The following ELAPOR2 variants were observed in gnomAD, a reference collection of about 807,000 sequenced individuals.
The protein encoded by ELAPOR2 is endosome/lysosome-associated apoptosis and autophagy regulator family member 2.
Under a neutral mutation model 120.7 loss-of-function variants are expected in ELAPOR2, and 89 were observed. The ratio of observed to expected loss-of-function variants is 0.74; its 90% CI spans 0.62 to 0.88. The LOEUF is 0.88. Ranked by LOEUF, ELAPOR2 falls within the 40% of genes least tolerant of loss-of-function variation. The pLI, the probability that ELAPOR2 is intolerant of heterozygous loss-of-function variation, is 0.00. For synonymous variants in ELAPOR2, 444 were observed against 444.9 expected (o/e 1.00, Z 0.03); for missense variants, 1,134 against 1,251.6 (o/e 0.91, Z 1.42).
chr7:86,990,553 A>G (rs1792911091), intron 1 of ELAPOR2, among the ~76,000 whole-genome samples: 4 of 152,170 alleles, frequency 2.6e-5, no homozygotes, highest in African/African-American at 9.7e-5. Flanking sequence ...TTTTGTTATA[A>G]GCAACAGAAA....
Position 86,918,445 on chromosome 7 carries a change from C to A in ELAPOR2, c.1590G>T (p.Met530Ile). The A allele has an allele frequency of 6.2e-7, 1 of 1,607,146 alleles. No homozygotes were observed. Among genetic ancestry groups the A allele is most frequent in the Non-Finnish European group, 8.5e-7 (1 of 1,174,448 alleles). The change falls in exon 12 of 22, where the codon ATG becomes ATT. Residue 530 changes from methionine to isoleucine, a missense_variant. Met to Ile is a conservative substitution (Grantham distance 10). Transcript: ENST00000450689. ...LCSADCVLYF[M>I]VDINRKSTNV... ...TGAAAGCCGCCCGTCCACTTACCAC[C>A]ATGAAGTACAAAACACAGTCAGCTG...
chr7:87,035,293 A>G (rs1794552199), intron 1 of ELAPOR2, among the ~76,000 whole-genome samples: 1 of 152,142 alleles, frequency 6.6e-6, no homozygotes, highest in Non-Finnish European at 1.5e-5. Context: ...AATCCATCCA[A>G]AGAAGCAGCT....
At chr7:87,024,320 G>A (rs932650981) in intron 1 of ELAPOR2, among the ~76,000 whole-genome samples, 73 of 152,200 alleles carry the variant, frequency 4.8e-4, no homozygotes, top group African/African-American at 1.6e-3. Context: ...TATTGAGATA[G>A]TCATGTGGTT....
chr7:86,988,057 G>A (rs1792815102), intron 1 of ELAPOR2, among the ~76,000 whole-genome samples: 1 of 152,104 alleles, frequency 6.6e-6, no homozygotes, highest in Non-Finnish European at 1.5e-5. Flanking sequence ...GCGACATGGA[G>A]GAAGCTGGAA....
At chr7:87,008,400 G>A (rs1793552658) in intron 1 of ELAPOR2, among the ~76,000 whole-genome samples, 1 of 152,122 alleles carries the variant, frequency 6.6e-6, no homozygotes, top group East Asian at 1.9e-4. Flanking sequence ...CCTGGATTGG[G>A]GAGAAAATAG....
At chr7:86,946,127 A>T (rs1790992283) in intron 3 of ELAPOR2, among the ~76,000 whole-genome samples, 1 of 151,576 alleles carries the variant, frequency 6.6e-6, no homozygotes, top group Non-Finnish European at 1.5e-5. Context: ...TCCAGCAGGG[A>T]AATGCAAATT....
intron 2 of ELAPOR2, among the ~76,000 whole-genome samples, chr7:86,950,261 T>C (rs1791190544): frequency 6.6e-6 from 1 of 152,184 alleles, no homozygotes; most frequent in African/African-American, 2.4e-5. Flanking sequence ...TCCACATACC[T>C]CATTCTTCCT....
At chr7:86,938,016 C>T (rs866874484) in intron 8 of ELAPOR2, 110 bp downstream of exon 8, 1 of 772,164 alleles carries the variant, frequency 1.3e-6, no homozygotes, top group Admixed American at 2.6e-5. Flanking sequence ...TTCCTCTTTA[C>T]ACTTACATAC....
chr7:86,991,943 G>C (rs1371902115), intron 1 of ELAPOR2, among the ~76,000 whole-genome samples: 2 of 152,198 alleles, frequency 1.3e-5, no homozygotes, highest in African/African-American at 4.8e-5. Flanking sequence ...ATGACCACAA[G>C]CTATAAAGAA....
chr7:86,880,389 G>T lies in ELAPOR2; in HGVS notation c.*82C>A. ...GTGAGATCACCAATGTGACAGGTATGAGGACAGACCCTAAAATATGGTCCT... is the reference window on the plus strand; with the variant it reads ...GTGAGATCACCAATGTGACAGGTATTAGGACAGACCCTAAAATATGGTCCT... On this transcript the variant is annotated 3_prime_UTR_variant, in exon 22 of 22. Coordinates refer to ENST00000450689, the MANE Select transcript of ELAPOR2 (RefSeq NM_001142749.3). 1 of 994,218 alleles carries T rather than the reference G, an allele frequency of 1.0e-6. No individual in the cohort carries two copies. The highest frequency in any genetic ancestry group is 1.6e-6 in the Non-Finnish European group (1 of 624,672). The allele number at this position is 994,218 out of a possible 1,614,324, so 61.6% of individuals were successfully genotyped here.
Position 87,027,299 on chromosome 7 carries a change from G to A in ELAPOR2, c.189+32026C>T, listed in dbSNP as rs549642605. The stretch of plus-strand genomic sequence containing the variant: ...TCATATTCATTATAATTTGGCAAGT[G>A]TTCATTTTATATCAGAAAAGCCACC... On this transcript the variant is annotated intron_variant, in intron 1 of 21. Coordinates refer to ENST00000450689, the MANE Select transcript of ELAPOR2 (RefSeq NM_001142749.3). Among the ~76,000 whole-genome samples, 22 of 152,182 alleles carry A rather than the reference G, an allele frequency of 1.4e-4. No homozygotes were observed. The South Asian group carries it at 4.3e-3, about 30-fold the overall frequency.
intron 1 of ELAPOR2, among the ~76,000 whole-genome samples, chr7:86,991,092 T>C (rs564313843): frequency 2.0e-5 from 3 of 152,316 alleles, no homozygotes; most frequent in South Asian, 2.1e-4. Context: ...GATTTATTTA[T>C]AAATGTATAT....
chr7:86,887,195 C>T (rs1357753424), intron 21 of ELAPOR2, among the ~76,000 whole-genome samples: 2 of 152,046 alleles, frequency 1.3e-5, no homozygotes, highest in African/African-American at 4.8e-5. Flanking sequence ...AGGTAAGGAT[C>T]CTTCTTATGA....
chr7:86,890,847 T>C (rs562183242), intron 21 of ELAPOR2, among the ~76,000 whole-genome samples: 2 of 152,192 alleles, frequency 1.3e-5, no homozygotes, highest in Admixed American at 1.3e-4. Flanking sequence ...TATATTTATG[T>C]GCCTAAATTA....
intron 10 of ELAPOR2, among the ~76,000 whole-genome samples, chr7:86,924,888 T>A (rs1789996160): frequency 6.6e-6 from 1 of 152,038 alleles, no homozygotes; most frequent in African/African-American, 2.4e-5. Flanking sequence ...TGCATTTTAG[T>A]GTAAAGGTCT....
intron 15 of ELAPOR2, chr7:86,911,775 A>T: frequency 3.8e-6 from 2 of 522,934 alleles, no homozygotes; most frequent in Non-Finnish European, 3.6e-6. Flanking sequence ...AAGATTGACA[A>T]CCCTGACCCA....
At chr7:86,976,493 T>G (rs1262359714) in intron 1 of ELAPOR2, among the ~76,000 whole-genome samples, 1 of 152,128 alleles carries the variant, frequency 6.6e-6, no homozygotes. Context: ...AACTACAATA[T>G]AAACCACTAT....
intron 18 of ELAPOR2, among the ~76,000 whole-genome samples, chr7:86,901,669 C>T (rs1447662404): frequency 2.0e-5 from 3 of 152,096 alleles, no homozygotes; most frequent in African/African-American, 7.2e-5. Context: ...GTTTTGTGTA[C>T]CTAGAAAATT....
chr7:86,952,731 G>A (rs1791315090), intron 2 of ELAPOR2, among the ~76,000 whole-genome samples: 1 of 152,128 alleles, frequency 6.6e-6, no homozygotes, highest in Non-Finnish European at 1.5e-5. Context: ...TGGGAATAAA[G>A]GAGATATATC....
Sources: allele counts gnomAD v4.1 joint callset (sites outside exome capture counted in the v4.1 genomes callset), GRCh38; gene constraint gnomAD v4.1.1; transcripts MANE v1.5; gene names NCBI Gene and HGNC (gene_info 2026-07-23, HGNC 2026-07-21).